Variants in CDAN1 observed in about 807,000 individuals in gnomAD.
CDAN1 encodes the protein codanin 1, also known as codanin-1.
Under a neutral mutation model 139.8 loss-of-function variants are expected in CDAN1, and 107 were observed. The ratio of observed to expected loss-of-function variants is 0.77; its 90% CI spans 0.65 to 0.90. The LOEUF is 0.90. CDAN1 is among the 40% of genes least tolerant of loss of function. The probability of loss-of-function intolerance (pLI) is 0.00; values close to 1 mark genes in which losing one functional copy is unlikely to be tolerated. For synonymous variants in CDAN1, 776 were observed against 660.6 expected (o/e 1.17, Z -2.68); for missense variants, 1,667 against 1,575.7 (o/e 1.06, Z -0.98).
chr15:42,727,906 T>G, intron 22 of CDAN1, 49 bp downstream of exon 22: 3 of 1,604,478 alleles, frequency 1.9e-6, no homozygotes, highest in Non-Finnish European at 2.6e-6. Context: ...TCTCTGCCAG[T>G]CCACTTTTTA....
chr15:42,734,177 T>C (rs1413684856), intron 7 of CDAN1, 49 bp downstream of exon 7: 1 of 1,613,738 alleles, frequency 6.2e-7, no homozygotes, highest in African/African-American at 1.3e-5. Flanking sequence ...TTATGAAAGC[T>C]AGGAAGGGTT....
Position 42,729,857 on chromosome 15 carries a change from A to T in CDAN1, c.2291T>A (p.Phe764Tyr), listed in dbSNP as rs909927349. The T allele has an allele frequency of 4.3e-6, 7 of 1,613,704 alleles. No homozygotes were observed. The highest frequency in any genetic ancestry group is 5.9e-6 in the Non-Finnish European group (7 of 1,179,928). Residue 764 changes from phenylalanine to tyrosine, a missense_variant, in exon 16 of 28, where the codon TTT becomes TAT. Physicochemically the swap from Phe to Tyr is conservative, Grantham distance 22. Transcript: ENST00000356231. ...QIPTVPEDLF[F>Y]LEEGPSYAFE... ...GGCATATGAGGGACCCTCTTCCAGA[A>T]AGAACAAGTCCTCAGGGACTGTGGG...
In CDAN1 at chr15:42,723,988, G is replaced by C. The variant is rs1270458048; in HGVS notation, c.*503C>G. The C allele has an allele frequency of 5.1e-6, 1 of 194,194 alleles. No homozygotes were observed. Among genetic ancestry groups the C allele is most frequent in the South Asian group, 1.0e-4 (1 of 10,028 alleles). 12.0% of individuals were successfully genotyped at this position (194,194 alleles called of 1,614,324 possible). On this transcript the variant is annotated 3_prime_UTR_variant, in exon 28 of 28. Coordinates refer to ENST00000356231, the MANE Select transcript of CDAN1 (RefSeq NM_138477.4). Reference sequence around the variant, plus strand: ...GCCTCTCAAAGTGCTGGGATTACAGGCATGAGCCACCAGACCCGGCCTGTG... The same window carrying C: ...GCCTCTCAAAGTGCTGGGATTACAGCCATGAGCCACCAGACCCGGCCTGTG...
Position 42,731,248 on chromosome 15 carries a change from G to C in CDAN1, c.1823C>G (p.Pro608Arg). The change falls in exon 12 of 28, where the codon CCC (proline) becomes CGC (arginine). Residue 608 changes from proline (P) to arginine (R), a missense_variant. This residue lies in a region of CDAN1 where 936 missense variants were observed against 844.1 expected (regional missense o/e 1.11). Coordinates refer to ENST00000356231, the MANE Select transcript of CDAN1 (RefSeq NM_138477.4). ...LNGLALPQHEPNDEDGESDVD... is the reference protein window; with the variant it reads ...LNGLALPQHERNDEDGESDVD... ...GTCTGACTCCCCGTCTTCATCATTG[G>C]GCTCATGCTGGGGCAGGGCAAGACC... The C allele has an allele frequency of 6.2e-7, 1 of 1,614,114 alleles. No individual in the cohort carries two copies. The highest frequency in any genetic ancestry group is 8.5e-7 in the Non-Finnish European group (1 of 1,180,024).
At position 42,724,581 on chromosome 15, in the gene CDAN1, CAGATTAGACAG is replaced by C; in HGVS notation, c.3583_3593del (p.Leu1195ValfsTer16). On this transcript the variant is annotated frameshift_variant, in exon 28 of 28. Coordinates refer to ENST00000356231, the MANE Select transcript of CDAN1 (RefSeq NM_138477.4). LOFTEE classifies it high-confidence loss of function. ...CTGGCAGGTGGGGCTCGGCTAGAAA[CAGATTAGACAG>C]TGTTGCTAATTCTTCAGCAAAGTCC... 6.4e-7 allele frequency: 1 copy of C among 1,552,456 alleles called. No individual in the cohort carries two copies.
rs80196449 is a variant in CDAN1, at chr15:42,725,435, G to A, written c.3450+54C>T. On this transcript the variant is annotated intron_variant, in intron 26 of 27. Transcript: ENST00000356231. ...GAGCAGCTCATAGTTTGGGGCAAGG[G>A]TGGTGGATGTTCAGAGTGTGACTGC... The A allele has an allele frequency of 1.1e-3, 1,814 of 1,603,218 alleles. 35 individuals carry two copies. The East Asian group carries it at 0.033, about 29-fold the overall frequency.
chr15:42,735,563 G>T lies in CDAN1; in HGVS notation c.890C>A (p.Ser297Tyr), dbSNP rs1453541127. The change falls in exon 4 of 28, where the codon TCT becomes TAT. Residue 297 changes from serine (S) to tyrosine (Y), a missense_variant. Ser to Tyr is a moderately radical substitution (Grantham distance 144, BLOSUM62 -2). Coordinates refer to ENST00000356231, the MANE Select transcript of CDAN1 (RefSeq NM_138477.4). ...TDEPADPARV[S>Y]SRQRLELVAL... ...TACAAGCTCCAGGCGCTGGCGGGAA[G>T]ACACTCTGGCAGGGTCTGCAGGTTC... The T allele has an allele frequency of 1.9e-6, 3 of 1,614,242 alleles. No homozygotes were observed. Among genetic ancestry groups the T allele is most frequent in the Admixed American group, 3.3e-5 (2 of 60,034 alleles).
At position 42,726,109 on chromosome 15, in the gene CDAN1, C is replaced by T. The variant is rs1466055992; in HGVS notation, c.3256G>A (p.Ala1086Thr). The T allele has an allele frequency of 1.2e-6, 2 of 1,613,884 alleles. No individual in the cohort carries two copies. The highest frequency in any genetic ancestry group is 4.5e-5 in the East Asian group (2 of 44,860). ...QHLAKCSVEL[A>T]SLLVADQIPI... ...AAAGCAACCATACCGAGGAGGGAAG[C>T]TAACTCCACAGAGCACTTTGCCAGA... is the stretch of plus-strand genomic sequence containing the variant. Residue 1086 changes from alanine (A) to threonine (T), a missense_variant, in exon 25 of 28, where the codon GCT becomes ACT. Ala to Thr is a moderately conservative substitution (Grantham distance 58). Transcript: ENST00000356231.
rs780371537 is a variant in CDAN1, at chr15:42,737,025, G to C, written c.78C>G (p.Thr26=). 12 of 1,548,876 alleles carry C rather than the reference G, an allele frequency of 7.7e-6. No individual in the cohort carries two copies. In the East Asian group the frequency reaches 9.8e-5, roughly 13 times the overall value. The part of the protein sequence containing the change: ...AAVVRWIARS[T]QGSEDNAGEA... ...TCACCGCTGTTACCTCCGAACCCTG[G>C]GTGCTGCGCGCGATCCACCGCACGA... The change falls in exon 1 of 28, where the codon ACC becomes ACG. Residue 26 remains threonine (T), a synonymous_variant. Transcript: ENST00000356231.
Position 42,725,665 on chromosome 15 carries a change from C to G in CDAN1, c.3274G>C (p.Asp1092His). 6.2e-7 allele frequency: 1 copy of G among 1,614,004 alleles called. No homozygotes were observed. Among genetic ancestry groups the G allele is most frequent in the Non-Finnish European group, 8.5e-7 (1 of 1,179,998 alleles). Residue 1092 changes from aspartate to histidine, a missense_variant, in exon 26 of 28, where the codon GAT becomes CAT. By Grantham distance (81) the Asp-to-His change is moderately conservative. Transcript: ENST00000356231. Reference sequence around the variant, plus strand: ...GGGGGCCCTAGGATAGGAATTTGATCTGCAACTGTGGAAAGAGGAAAGCCA... The same window carrying G: ...GGGGGCCCTAGGATAGGAATTTGATGTGCAACTGTGGAAAGAGGAAAGCCA... ...SVELASLLVA[D>H]QIPILGPPAQ...
Position 42,731,332 on chromosome 15 carries a change from C to CT in CDAN1, c.1740-2dup, listed in dbSNP as rs752268942. On this transcript the variant is annotated splice_acceptor_variant, in intron 11 of 27. Coordinates refer to ENST00000356231, the MANE Select transcript of CDAN1 (RefSeq NM_138477.4). LOFTEE classifies it high-confidence loss of function. The stretch of plus-strand genomic sequence containing the variant: ...CATGAGATGCTGGTTAAACTGGAAG[C>CT]TGAGAAGAAGGGGTGGGTGGGGCAT... The CT allele has an allele frequency of 4.3e-6, 7 of 1,613,708 alleles. No homozygotes were observed. Among genetic ancestry groups the CT allele is most frequent in the Non-Finnish European group, 5.1e-6 (6 of 1,180,024 alleles).
chr15:42,728,875 T>C (rs2061568926), intron 19 of CDAN1, 65 bp from the exon 20 acceptor site: 19 of 1,609,460 alleles, frequency 1.2e-5, no homozygotes, highest in South Asian at 2.2e-5. Context: ...TGAAAATTTA[T>C]GGGAATTTGG....
intron 23 of CDAN1, chr15:42,726,925 T>C (rs1008031775): frequency 5.8e-6 from 1 of 173,240 alleles, no homozygotes; most frequent in Admixed American, 5.5e-5. Flanking sequence ...TTGTACCTTA[T>C]AGTCCCTATT....
chr15:42,732,451 A>T, intron 9 of CDAN1, 43 bp from the exon 10 acceptor site: 1 of 1,563,452 alleles, frequency 6.4e-7, no homozygotes, highest in East Asian at 2.2e-5. Flanking sequence ...GAAAGGAGGG[A>T]GAGGGAGAAA....
chr15:42,728,406 CAG>C, intron 20 of CDAN1, 139 bp from the exon 21 acceptor site: 1 of 970,206 alleles, frequency 1.0e-6, no homozygotes, highest in Non-Finnish European at 1.6e-6. Flanking sequence ...CGCCCCACCC[CAG>C]GTGCCAGAGA....
chr15:42,724,656 A>G, intron 27 of CDAN1, 40 bp from the exon 28 acceptor site: 1 of 1,549,430 alleles, frequency 6.5e-7, no homozygotes, highest in Non-Finnish European at 8.7e-7. Context: ...GCAGCATGTA[A>G]TAATTCTCAA....
At position 42,736,504 on chromosome 15, in the gene CDAN1, G is replaced by A. The variant is rs2061690221; in HGVS notation, c.367C>T (p.Arg123Trp). 2.1e-6 allele frequency: 3 copies of A among 1,417,674 alleles called. No homozygotes were observed. Among genetic ancestry groups the A allele is most frequent in the East Asian group, 2.9e-5 (1 of 34,410 alleles). 87.8% of individuals were successfully genotyped at this position (1,417,674 alleles called of 1,614,324 possible). A position where few individuals can be genotyped will look rare whatever the true frequency, so the allele number is the denominator to read the frequency against. ...APLARRGGRR[R>W]GPGPARERGG... is the part of the protein sequence containing the mutation. ...CGCTCGCGGGCCGGCCCCGGGCCCC[G>A]CCTCCTGCCCCCGCGGCGGGCCAGA... The change falls in exon 2 of 28, where the codon CGG becomes TGG. Residue 123 changes from arginine (R) to tryptophan (W), a missense_variant. By Grantham distance (101) the Arg-to-Trp change is moderately radical. Coordinates refer to ENST00000356231, the MANE Select transcript of CDAN1 (RefSeq NM_138477.4).
At chr15:42,734,385 C>G in intron 6 of CDAN1, 39 bp from the exon 7 acceptor site, 1 of 1,613,302 alleles carries the variant, frequency 6.2e-7, no homozygotes, top group Non-Finnish European at 8.5e-7. Flanking sequence ...GACCAGAACA[C>G]AGACTGCAAG....
Position 42,725,639 on chromosome 15 carries a change from C to T in CDAN1, c.3300G>A (p.Pro1100=), listed in dbSNP as rs377026916. 2.0e-4 allele frequency: 327 copies of T among 1,613,810 alleles called. No homozygotes were observed. The highest frequency in any genetic ancestry group is 2.5e-4 in the Non-Finnish European group (294 of 1,179,996). Residue 1100 remains proline (P), a synonymous_variant, in exon 26 of 28, where the codon CCG becomes CCA. Coordinates refer to ENST00000356231, the MANE Select transcript of CDAN1 (RefSeq NM_138477.4). ...VADQIPILGP[P]AQYRLERGQA... ...GCCCTCTCTCCAGCCTGTACTGTGC[C>T]GGGGGCCCTAGGATAGGAATTTGAT...
Sources: allele counts gnomAD v4.1 joint callset, GRCh38; gene constraint gnomAD v4.1.1; regional missense constraint gnomAD v4.1.1; transcripts MANE v1.5; gene names NCBI Gene and HGNC (gene_info 2026-07-23, HGNC 2026-07-21).